Variants in ST18 observed in about 807,000 individuals in gnomAD.
ST18 encodes the protein suppression of tumorigenicity 18 protein.
A neutral mutation model predicts 110.0 loss-of-function variants in ST18; 50 were observed. The observed-to-expected ratio is 0.45, with a 90% CI of 0.36 to 0.58. ST18 has a LOEUF of 0.58. Among genes scored for constraint, ST18 ranks in the 20% least tolerant of loss-of-function variants. ST18 has a pLI of 0.00. For missense variants in ST18, 1,306 were observed against 1,280.1 expected, an observed-to-expected ratio of 1.02 and a Z score of -0.31; for synonymous variants, 461 against 452.4, an observed-to-expected ratio of 1.02 and a Z score of -0.24.
intron 6 of ST18, among the ~76,000 whole-genome samples, chr8:52,215,793 G>A (rs2136159289): frequency 6.6e-6 from 1 of 152,258 alleles, no homozygotes; most frequent in South Asian, 2.1e-4. Flanking sequence ...AAATGGCTTG[G>A]TTTACTCAGG....
chr8:52,130,181 G>T (rs1054996138), intron 22 of ST18, among the ~76,000 whole-genome samples: 1 of 138,194 alleles, frequency 7.2e-6, no homozygotes, highest in African/African-American at 2.6e-5. Context: ...AAAGAAAATA[G>T]TACCTTGGCA....
Position 52,409,684 on chromosome 8 carries a change from C to T in ST18, c.-726G>A, listed in dbSNP as rs1287020692. 1.3e-5 allele frequency: 2 copies of T among 152,248 alleles called. No individual in the cohort carries two copies. Among genetic ancestry groups the T allele is most frequent in the Non-Finnish European group, 2.9e-5 (2 of 68,046 alleles). 9.4% of individuals were successfully genotyped at this position (152,248 alleles called of 1,614,324 possible). ...CTCAATTATTTTTCTCTCCTTACCT[C>T]TAGTATTCCCCTGAGGTCACATTCA... On this transcript the variant is annotated 5_prime_UTR_variant, in exon 1 of 26. Coordinates refer to ENST00000689386, the MANE Select transcript of ST18 (RefSeq NM_001352837.2).
intron 2 of ST18, among the ~76,000 whole-genome samples, chr8:52,350,968 C>A (rs957843897): frequency 6.6e-6 from 1 of 152,100 alleles, no homozygotes; most frequent in African/African-American, 2.4e-5. Context: ...CATCTGCCTG[C>A]CTCGGCCTCC....
At chr8:52,113,411 C>G in intron 25 of ST18, 73 bp from the exon 26 acceptor site, 2 of 1,566,244 alleles carry the variant, frequency 1.3e-6, no homozygotes, top group South Asian at 1.2e-5. Context: ...CCAGTGACAT[C>G]GAAGATCAGT....
At chr8:52,136,569 G>A (rs773110461) in intron 19 of ST18, 21 bp downstream of exon 19, 55 of 1,603,090 alleles carry the variant, frequency 3.4e-5, no homozygotes, top group Non-Finnish European at 3.0e-5. Flanking sequence ...AGGGCAAGCC[G>A]GCCACGCTTC....
intron 2 of ST18, among the ~76,000 whole-genome samples, chr8:52,391,831 G>C (rs1444012177): frequency 6.6e-6 from 1 of 152,132 alleles, no homozygotes; most frequent in Non-Finnish European, 1.5e-5. Context: ...AGGAACCCTG[G>C]GGAAGAGGTG....
chr8:52,280,765 A>G (rs1447653978), intron 2 of ST18, among the ~76,000 whole-genome samples: 1 of 152,078 alleles, frequency 6.6e-6, no homozygotes, highest in Non-Finnish European at 1.5e-5. Context: ...ATAAAATTGG[A>G]CACATCTATC....
chr8:52,117,029 C>T (rs1002460960), intron 24 of ST18, among the ~76,000 whole-genome samples: 2 of 152,148 alleles, frequency 1.3e-5, no homozygotes, highest in South Asian at 2.1e-4. Flanking sequence ...TTATGTTACT[C>T]GTTAGCTCAA....
In ST18 at chr8:52,235,425, C is replaced by G. The variant is rs1006750511; in HGVS notation, c.-464-5348G>C. On this transcript the variant is annotated intron_variant, in intron 2 of 25. Coordinates refer to ENST00000689386, the MANE Select transcript of ST18 (RefSeq NM_001352837.2). The stretch of plus-strand genomic sequence containing the variant: ...GGCAAGGGTGCTCTTCTCTCTGCTT[C>G]TCTTTCATAAGCAAGGTGCTCTTGA... 1.5e-4 allele frequency among the ~76,000 whole-genome samples: 23 copies of G among 152,302 alleles called. 1 individual carries two copies. Among genetic ancestry groups the G allele is most frequent in the Admixed American group, 1.0e-3 (16 of 15,300 alleles).
chr8:52,334,730 A>C (rs1811247389), intron 2 of ST18, among the ~76,000 whole-genome samples: 1 of 152,176 alleles, frequency 6.6e-6, no homozygotes, highest in South Asian at 2.1e-4. Context: ...TTTTCCTTAA[A>C]GCTACCTCTG....
chr8:52,321,376 C>T (rs770487637), intron 2 of ST18, among the ~76,000 whole-genome samples: 6 of 152,196 alleles, frequency 3.9e-5, no homozygotes, highest in Non-Finnish European at 8.8e-5. Flanking sequence ...GTCATCTACA[C>T]TTCTCTATCA....
intron 23 of ST18, among the ~76,000 whole-genome samples, chr8:52,125,576 C>A (rs1302518688): frequency 2.0e-5 from 3 of 152,074 alleles, no homozygotes; most frequent in Admixed American, 6.6e-5. Flanking sequence ...AGCCTCGATC[C>A]TGGGCTCCTG....
intron 2 of ST18, among the ~76,000 whole-genome samples, chr8:52,272,349 TA>T (rs896784406): frequency 3.3e-5 from 5 of 151,302 alleles, no homozygotes; most frequent in African/African-American, 4.9e-5. Context: ...AACTCAATAG[TA>T]AAAAAAAATC....
intron 17 of ST18, among the ~76,000 whole-genome samples, chr8:52,138,061 T>C (rs962151323): frequency 2.8e-5 from 4 of 144,380 alleles, no homozygotes; most frequent in African/African-American, 7.8e-5. Context: ...GATTGCACCA[T>C]TGCACTGGGC....
chr8:52,133,231 A>G lies in ST18; in HGVS notation c.2363+8T>C. On this transcript the variant is annotated splice_region_variant and intron_variant, in intron 20 of 25. Coordinates refer to ENST00000689386, the MANE Select transcript of ST18 (RefSeq NM_001352837.2). ...ATTTCCACATCTCAGAAATAAGATCAATCCTACCTTCTGTGGGAAGCATAG... is the reference window on the plus strand; with the variant it reads ...ATTTCCACATCTCAGAAATAAGATCGATCCTACCTTCTGTGGGAAGCATAG... 2 of 1,614,194 alleles carry G rather than the reference A, an allele frequency of 1.2e-6. No individual in the cohort carries two copies. The highest frequency in any genetic ancestry group is 1.7e-6 in the Non-Finnish European group (2 of 1,180,054).
Position 52,172,712 on chromosome 8 carries a change from C to A in ST18, c.278-129G>T, listed in dbSNP as rs138264266. 1.6e-4 allele frequency: 96 copies of A among 592,710 alleles called. 1 individual carries two copies. The highest frequency in any genetic ancestry group is 1.5e-3 in the African/African-American group (79 of 53,120). 36.7% of individuals were successfully genotyped at this position (592,710 alleles called of 1,614,324 possible). A position where few individuals can be genotyped will look rare whatever the true frequency, so the allele number is the denominator to read the frequency against. Reference sequence around the variant, plus strand: ...GTACATACACATACATATATGTACACATATACATACATAATATGTGTAATA... The same window carrying A: ...GTACATACACATACATATATGTACAAATATACATACATAATATGTGTAATA... On this transcript the variant is annotated intron_variant, in intron 9 of 25. Transcript: ENST00000689386.
rs1334266099 is a variant in ST18, at chr8:52,209,782, A to T, written c.86+2297T>A. 1.1e-3 allele frequency among the ~76,000 whole-genome samples: 150 copies of T among 138,790 alleles called. No individual in the cohort carries two copies. In the Middle Eastern group the frequency reaches 0.011, roughly 11 times the overall value. 91.1% of individuals were successfully genotyped at this position (138,790 alleles called of 152,430 possible). On this transcript the variant is annotated intron_variant, in intron 8 of 25. Coordinates refer to ENST00000689386, the MANE Select transcript of ST18 (RefSeq NM_001352837.2). Reference sequence around the variant, plus strand: ...CGAAACTCCATCTCAAAAAAAAAAAAAAAAAAATATATATATATATATATA... The same window carrying T: ...CGAAACTCCATCTCAAAAAAAAAAATAAAAAAATATATATATATATATATA...
At chr8:52,306,003 G>T (rs1021012607) in intron 2 of ST18, among the ~76,000 whole-genome samples, 3 of 152,190 alleles carry the variant, frequency 2.0e-5, no homozygotes, top group Admixed American at 2.0e-4. Context: ...TGAGGCTGCA[G>T]ACCCAGTGGC....
chr8:52,315,102 A>C (rs1246330391), intron 2 of ST18, among the ~76,000 whole-genome samples: 2 of 152,226 alleles, frequency 1.3e-5, no homozygotes, highest in African/African-American at 2.4e-5. Context: ...CTCTGATTCT[A>C]CATTGCTTAT....
Sources: gnomAD v4.1 joint callset for allele counts (sites outside exome capture counted in the v4.1 genomes callset) on GRCh38, gnomAD v4.1.1 for gene constraint, MANE v1.5 for transcripts, NCBI Gene and HGNC (gene_info 2026-07-23, HGNC 2026-07-21) for gene names.